ST8SIA6: variants seen among roughly 807,000 people sequenced by gnomAD.
ST8SIA6 encodes the protein alpha-2,8-sialyltransferase 8F.
ST8SIA6 carries 39 observed loss-of-function variants against 33.6 expected under a neutral mutation model. That is an observed-to-expected ratio of 1.16 (90% CI 0.90 to 1.52). ST8SIA6 has a LOEUF of 1.52. Ranked by LOEUF, ST8SIA6 falls within the 40% of genes most tolerant of loss-of-function variation. The pLI is 0.00. For missense variants in ST8SIA6, 441 were observed against 443.8 expected (o/e 0.99, Z 0.06); for synonymous variants, 172 against 167.2 (o/e 1.03, Z -0.22).
intron 4 of ST8SIA6, among the ~76,000 whole-genome samples, chr10:17,352,857 A>T (rs965359905): frequency 6.6e-6 from 1 of 152,180 alleles, no homozygotes; most frequent in South Asian, 2.1e-4. Context: ...ATATGACAGT[A>T]TATTAATGCT....
chr10:17,415,803 CTTTT>C (rs968920842), intron 2 of ST8SIA6, among the ~76,000 whole-genome samples: 14 of 92,230 alleles, frequency 1.5e-4, no homozygotes, highest in Non-Finnish European at 2.9e-4. Context: ...CCTCACTTGT[CTTTT>C]TTTTTTTTTT....
intron 2 of ST8SIA6, among the ~76,000 whole-genome samples, chr10:17,428,488 A>G (rs1852003033): frequency 6.6e-6 from 1 of 152,128 alleles, no homozygotes; most frequent in Admixed American, 6.5e-5. Flanking sequence ...TGGGCAAATA[A>G]AGTCAGTCGA....
intron 2 of ST8SIA6, among the ~76,000 whole-genome samples, chr10:17,397,188 C>A (rs1019743968): frequency 2.2e-4 from 33 of 150,868 alleles, no homozygotes; most frequent in African/African-American, 8.0e-4. Flanking sequence ...CAGCTCCATC[C>A]TCATTTTCTC....
At chr10:17,347,104 TAATGTC>T (rs1005752523) in intron 4 of ST8SIA6, among the ~76,000 whole-genome samples, 3 of 152,236 alleles carry the variant, frequency 2.0e-5, no homozygotes, top group Admixed American at 6.5e-5. Flanking sequence ...CGCCTTTACT[TAATGTC>T]AATTGATTGT....
chr10:17,400,388 C>T (rs1850991432), intron 2 of ST8SIA6, among the ~76,000 whole-genome samples: 1 of 152,132 alleles, frequency 6.6e-6, no homozygotes, highest in African/African-American at 2.4e-5. Context: ...AAAACTTAGC[C>T]AGGCGTGGTG....
chr10:17,443,745 A>T (rs536045496), intron 2 of ST8SIA6, among the ~76,000 whole-genome samples: 19 of 152,238 alleles, frequency 1.2e-4, no homozygotes, highest in Non-Finnish European at 1.9e-4. Context: ...GTGTATGTAG[A>T]TAAATGTACT....
At chr10:17,370,822 G>A (rs1419509942) in intron 3 of ST8SIA6, among the ~76,000 whole-genome samples, 1 of 152,180 alleles carries the variant, frequency 6.6e-6, no homozygotes, top group Non-Finnish European at 1.5e-5. Context: ...CAGGTCACTG[G>A]AAGAACTTTG....
At chr10:17,447,360 T>G (rs1852753197) in intron 2 of ST8SIA6, among the ~76,000 whole-genome samples, 1 of 151,952 alleles carries the variant, frequency 6.6e-6, no homozygotes, top group Non-Finnish European at 1.5e-5. Flanking sequence ...GAGCTAAGAT[T>G]GCGCCACTGC....
chr10:17,370,457 A>T (rs1421768350), intron 3 of ST8SIA6, among the ~76,000 whole-genome samples: 1 of 151,924 alleles, frequency 6.6e-6, no homozygotes, highest in Non-Finnish European at 1.5e-5. Flanking sequence ...AATATTTTCT[A>T]ATGTAGCATC....
At chr10:17,422,416 A>G (rs1851807662) in intron 2 of ST8SIA6, among the ~76,000 whole-genome samples, 1 of 152,352 alleles carries the variant, frequency 6.6e-6, no homozygotes, top group African/African-American at 2.4e-5. Context: ...AATCAGAAAG[A>G]CAAAATTTAT....
chr10:17,407,057 G>A (rs190007430), intron 2 of ST8SIA6, among the ~76,000 whole-genome samples: 3 of 152,202 alleles, frequency 2.0e-5, no homozygotes, highest in Admixed American at 6.5e-5. Flanking sequence ...CTCTCAAAGT[G>A]TTGGCATTAC....
Position 17,324,708 on chromosome 10 carries a change from T to TACACACAC in ST8SIA6, c.636-1559_636-1552dup, listed in dbSNP as rs6143806. 7.6e-4 allele frequency among the ~76,000 whole-genome samples: 107 copies of TACACACAC among 140,020 alleles called. 1 individual carries two copies. Among genetic ancestry groups the TACACACAC allele is most frequent in the African/African-American group, 2.1e-3 (77 of 37,432 alleles). The allele number at this position is 140,020 out of a possible 152,430, so 91.9% of individuals were successfully genotyped here. A position where few individuals can be genotyped will look rare whatever the true frequency, so the allele number is the denominator to read the frequency against. ...CAGGTATTTTCCTGAATATAGAGTA[T>TACACACAC]ACACACACACACACACACACACACA... On this transcript the variant is annotated intron_variant, in intron 6 of 7. Transcript: ENST00000377602.
At chr10:17,441,061 T>A (rs1852472802) in intron 2 of ST8SIA6, among the ~76,000 whole-genome samples, 1 of 152,214 alleles carries the variant, frequency 6.6e-6, no homozygotes, top group Non-Finnish European at 1.5e-5. Context: ...GCTTATGTTT[T>A]TATATTCTTA....
At chr10:17,329,959 T>C (rs960169056) in intron 5 of ST8SIA6, among the ~76,000 whole-genome samples, 26 of 152,136 alleles carry the variant, frequency 1.7e-4, no homozygotes, top group African/African-American at 6.3e-4. Context: ...GCCGTCTTCT[T>C]GTGTGCCCAG....
At chr10:17,333,842 C>T (rs571806740) in intron 4 of ST8SIA6, among the ~76,000 whole-genome samples, 1 of 148,310 alleles carries the variant, frequency 6.7e-6, no homozygotes, top group East Asian at 2.0e-4. Context: ...CTGCCTCAGC[C>T]TCCTGAGTAG....
rs770428028 is a variant in ST8SIA6 at position 17,320,622 on chromosome 10, G to C, written c.*256C>G. 2.1e-6 allele frequency: 1 copy of C among 471,064 alleles called. No homozygotes were observed. Among genetic ancestry groups the C allele is most frequent in the Non-Finnish European group, 3.8e-6 (1 of 263,014 alleles). 29.2% of individuals were successfully genotyped at this position (471,064 alleles called of 1,614,324 possible). On this transcript the variant is annotated 3_prime_UTR_variant, in exon 8 of 8. Coordinates refer to ENST00000377602, the MANE Select transcript of ST8SIA6 (RefSeq NM_001004470.3). ...CTTTGAGTCCCTACCTCACACCAAA[G>C]GCCATGCCAATAATTTTCATAAATT... is the stretch of plus-strand genomic sequence containing the variant.
intron 2 of ST8SIA6, chr10:17,409,451 C>A (rs1201024819): frequency 6.6e-6 from 1 of 152,464 alleles, no homozygotes; most frequent in Non-Finnish European, 1.5e-5. Context: ...TGCCTGTAAT[C>A]TCAGCAATTT....
intron 2 of ST8SIA6, among the ~76,000 whole-genome samples, chr10:17,398,532 C>T (rs1021892846): frequency 2.0e-5 from 3 of 151,998 alleles, no homozygotes; most frequent in African/African-American, 7.3e-5. Context: ...GTAAAACATC[C>T]CAAAGAATAA....
At chr10:17,436,420 G>A (rs1047683313) in intron 2 of ST8SIA6, among the ~76,000 whole-genome samples, 11 of 151,862 alleles carry the variant, frequency 7.2e-5, no homozygotes, top group African/African-American at 1.9e-4. Context: ...TGTGCACAAC[G>A]TGCAGGTTTG....
Sources: gnomAD v4.1 joint callset for allele counts (sites outside exome capture counted in the v4.1 genomes callset) on GRCh38, gnomAD v4.1.1 for gene constraint, MANE v1.5 for transcripts, NCBI Gene and HGNC (gene_info 2026-07-23, HGNC 2026-07-21) for gene names.